The following RELL1 variants were observed in gnomAD, a reference collection of about 807,000 sequenced individuals.
The protein encoded by RELL1 is RELT like 1.
In RELL1, 10 loss-of-function variants were observed where a neutral mutation model predicts 23.0. The observed-to-expected ratio is 0.43, with a 90% CI of 0.27 to 0.74. RELL1 has a LOEUF of 0.74. RELL1 is among the 30% of genes least tolerant of loss of function. The pLI is 0.19. For synonymous variants in RELL1, 146 were observed against 146.8 expected, an observed-to-expected ratio of 0.99 and a Z score of 0.04; for missense variants, 315 against 364.4, an observed-to-expected ratio of 0.86 and a Z score of 1.10.
chr4:37,589,033 T>C (rs1299222876), downstream of RELL1: 3 of 637,042 alleles, frequency 4.7e-6, no homozygotes, highest in African/African-American at 1.8e-5. Flanking sequence ...CATTAAGAGT[T>C]TGGAATTGTT....
At chr4:37,602,198 C>T (rs1161691203) in intron 6 of RELL1, among the ~76,000 whole-genome samples, 6 of 119,702 alleles carry the variant, frequency 5.0e-5, no homozygotes, top group African/African-American at 2.0e-4. Context: ...GCCTAGGTGA[C>T]AGAGTGAGAC....
rs1231588069 is a variant in RELL1 at position 37,612,406 on chromosome 4, C to T, written c.*940G>A. 2.0e-5 allele frequency among the ~76,000 whole-genome samples: 3 copies of T among 150,796 alleles called. No homozygotes were observed. Among genetic ancestry groups the T allele is most frequent in the Non-Finnish European group, 3.0e-5 (2 of 67,788 alleles). On this transcript the variant is annotated 3_prime_UTR_variant, in exon 7 of 7. Transcript: ENST00000454158. ...TTCCCAGCACTTTGGGAGGCCGAGG[C>T]GGGTAGATCGCCTGAGGTCAGGAGT...
chr4:37,617,580 C>T (rs903839888), intron 6 of RELL1, among the ~76,000 whole-genome samples: 2 of 152,136 alleles, frequency 1.3e-5, no homozygotes, highest in African/African-American at 4.8e-5. Flanking sequence ...GTCAGGAGTT[C>T]GAGACCAGCC....
chr4:37,589,645 C>T (rs1021516375), downstream of RELL1, among the ~76,000 whole-genome samples: 11 of 152,050 alleles, frequency 7.2e-5, no homozygotes, highest in African/African-American at 2.2e-4. Context: ...CCTTGTTTAT[C>T]TTTTTCAAGA....
downstream of RELL1, among the ~76,000 whole-genome samples, chr4:37,605,915 A>G (rs1464277401): frequency 7.1e-6 from 1 of 140,450 alleles, no homozygotes; most frequent in Non-Finnish European, 1.5e-5. Context: ...AAGAGGAAGG[A>G]AGGGAGGGAG....
At chr4:37,600,269 CAA>C (rs33929317) in intron 6 of RELL1, among the ~76,000 whole-genome samples, 2,749 of 111,146 alleles carry the variant, frequency 0.025, 66 homozygotes, top group Admixed American at 0.097. Context: ...GACTCCATCT[CAA>C]AAAAAAAAAA....
chr4:37,681,533 T>G lies in RELL1; in HGVS notation c.88+4667A>C, dbSNP rs946935273. Among the ~76,000 whole-genome samples the G allele has an allele frequency of 9.6e-4, 135 of 140,742 alleles. No individual in the cohort carries two copies. The East Asian group carries it at 0.022, about 23-fold the overall frequency. The allele number at this position is 140,742 out of a possible 152,430, so 92.3% of individuals were successfully genotyped here. A position where few individuals can be genotyped will look rare whatever the true frequency, so the allele number is the denominator to read the frequency against. On this transcript the variant is annotated intron_variant, in intron 1 of 6. Coordinates refer to ENST00000454158, the MANE Select transcript of RELL1 (RefSeq NM_001085400.2). ...GTCTCCTTCTGTTTTTTTTTTTTTT[T>G]TTTTTTTTTTTTTGAGACGGAGTCT...
intron 6 of RELL1, among the ~76,000 whole-genome samples, chr4:37,628,095 A>T (rs1720011662): frequency 6.6e-6 from 1 of 152,250 alleles, no homozygotes; most frequent in African/African-American, 2.4e-5. Context: ...CATAATTTTT[A>T]AAACACCAAT....
intron 1 of RELL1, among the ~76,000 whole-genome samples, chr4:37,673,831 C>T (rs549533358): frequency 6.6e-6 from 1 of 152,218 alleles, no homozygotes; most frequent in Admixed American, 6.5e-5. Flanking sequence ...CGCAACTACA[C>T]AGTAAAGTGC....
At chr4:37,642,062 TCCTA>T (rs1720549148) in intron 3 of RELL1, among the ~76,000 whole-genome samples, 1 of 152,170 alleles carries the variant, frequency 6.6e-6, no homozygotes, top group African/African-American at 2.4e-5. Context: ...ACATCTTCCT[TCCTA>T]CCCTTCAATG....
intron 1 of RELL1, among the ~76,000 whole-genome samples, chr4:37,659,567 C>G (rs546542721): frequency 2.1e-4 from 32 of 152,222 alleles, no homozygotes; most frequent in African/African-American, 7.7e-4. Flanking sequence ...GTTCATTTCT[C>G]AAAAGGGGTT....
At chr4:37,654,489 C>T (rs148234952) in intron 1 of RELL1, among the ~76,000 whole-genome samples, 53 of 152,358 alleles carry the variant, frequency 3.5e-4, no homozygotes, top group African/African-American at 1.2e-3. Flanking sequence ...ACTGTTCATA[C>T]ATAATGTCTA....
intron 6 of RELL1, among the ~76,000 whole-genome samples, chr4:37,614,640 A>C (rs559075920): frequency 1.3e-5 from 2 of 152,172 alleles, no homozygotes; most frequent in East Asian, 1.9e-4. Flanking sequence ...AAAAGGTAGA[A>C]AGGCCAGAGG....
chr4:37,604,392 GCA>G (rs967659858), intron 6 of RELL1, among the ~76,000 whole-genome samples: 3 of 152,116 alleles, frequency 2.0e-5, no homozygotes, highest in Non-Finnish European at 4.4e-5. Flanking sequence ...CCATCCTAGT[GCA>G]CACATTCTGA....
chr4:37,602,187 AGCCT>A (rs1719032519), intron 6 of RELL1, among the ~76,000 whole-genome samples: 1 of 140,360 alleles, frequency 7.1e-6, no homozygotes, highest in African/African-American at 2.7e-5. Flanking sequence ...ACTGCATTCA[AGCCT>A]AGGTGACAGA....
chr4:37,649,403 C>G lies in RELL1; in HGVS notation c.186G>C (p.Ala62=). 6.2e-7 allele frequency: 1 copy of G among 1,614,228 alleles called. No individual in the cohort carries two copies. The part of the protein sequence containing the change: ...GNGHPEYIAY[A]LVPVFFIMGL... ...CCATGATAAAGAACACAGGGACAAG[C>G]GCGTATGCAATATATTCTGGGTGTC... The change falls in exon 2 of 7, where the codon GCG becomes GCC. Residue 62 remains alanine (A), a synonymous_variant. Transcript: ENST00000454158.
chr4:37,604,518 C>T (rs758854096), intron 6 of RELL1, among the ~76,000 whole-genome samples: 43 of 152,072 alleles, frequency 2.8e-4, no homozygotes, highest in Admixed American at 4.6e-4. Flanking sequence ...CACGCGCACA[C>T]ACACACGCAC....
At chr4:37,639,354 A>C (rs549578313) in intron 3 of RELL1, among the ~76,000 whole-genome samples, 11 of 138,178 alleles carry the variant, frequency 8.0e-5, no homozygotes, top group Admixed American at 2.5e-4. Context: ...ACTGCACTCC[A>C]GCCTGGGCGA....
At chr4:37,604,513 G>A (rs564145375) in intron 6 of RELL1, among the ~76,000 whole-genome samples, 63 of 151,660 alleles carry the variant, frequency 4.2e-4, no homozygotes, top group Admixed American at 8.5e-4. Flanking sequence ...ATACACACGC[G>A]CACACACACA....
Sources: allele counts gnomAD v4.1 joint callset (sites outside exome capture counted in the v4.1 genomes callset), GRCh38; gene constraint gnomAD v4.1.1; transcripts MANE v1.5; gene names NCBI Gene and HGNC (gene_info 2026-07-23, HGNC 2026-07-21).